Variants in ARFRP1 observed in about 807,000 individuals in gnomAD.
The protein encoded by ARFRP1 is ADP-ribosylation factor-related protein 1.
A neutral mutation model predicts 30.3 loss-of-function variants in ARFRP1; 19 were observed. The observed-to-expected ratio is 0.63, with a 90% CI of 0.44 to 0.92. ARFRP1 has a LOEUF of 0.92. Ranked by LOEUF, ARFRP1 falls within the 40% of genes least tolerant of loss-of-function variation. The pLI is 0.00. For missense variants in ARFRP1, 245 were observed against 267.5 expected (o/e 0.92, Z 0.59); for synonymous variants, 133 against 114.2 (o/e 1.16, Z -1.05).
At position 63,698,827 on chromosome 20, in the gene ARFRP1, G is replaced by C; in HGVS notation, c.*1616C>G. 1 of 355,026 alleles carries C rather than the reference G, an allele frequency of 2.8e-6. No individual in the cohort carries two copies. Among genetic ancestry groups the C allele is most frequent in the Non-Finnish European group, 5.0e-6 (1 of 200,562 alleles). The allele number at this position is 355,026 out of a possible 1,614,324, so 22.0% of individuals were successfully genotyped here. A position where few individuals can be genotyped will look rare whatever the true frequency, so the allele number is the denominator to read the frequency against. ...AGACAGACCCTCCCTGGGAGGATCA[G>C]TGGGGAGTGCCACCTCTGCCCCCAG... On this transcript the variant is annotated 3_prime_UTR_variant, in exon 8 of 8. Transcript: ENST00000622789.
At chr20:63,706,123 C>T (rs2091450188) in intron 4 of ARFRP1, 3 of 489,728 alleles carry the variant, frequency 6.1e-6, no homozygotes, top group South Asian at 4.1e-5. Context: ...CTGGCCCCAT[C>T]GCAGGGAACT....
rs1308401908 is a variant in ARFRP1, at chr20:63,700,470, C to T, written c.579G>A (p.Arg193=). 2 of 1,609,736 alleles carry T rather than the reference C, an allele frequency of 1.2e-6. No individual in the cohort carries two copies. Among genetic ancestry groups the T allele is most frequent in the Non-Finnish European group, 1.7e-6 (2 of 1,179,858 alleles). ...MVKCVVRNVH[R]PPRQRDIT ...ACGTGATGTCCCTCTGCCGCGGCGG[C>T]CGGTGCACATTCCGCACGACACACT... Residue 193 remains arginine, a synonymous_variant, in exon 8 of 8, where the codon CGG becomes CGA. Coordinates refer to ENST00000622789, the MANE Select transcript of ARFRP1 (RefSeq NM_001267547.3).
intron 4 of ARFRP1, chr20:63,705,873 A>AGCCCTT: frequency 2.3e-6 from 1 of 440,384 alleles, no homozygotes; most frequent in East Asian, 5.8e-5. Flanking sequence ...CCAGGGTTTG[A>AGCCCTT]ACATTCCCAG....
chr20:63,700,207 G>T lies in ARFRP1; in HGVS notation c.*236C>A. On this transcript the variant is annotated 3_prime_UTR_variant, in exon 8 of 8. Coordinates refer to ENST00000622789, the MANE Select transcript of ARFRP1 (RefSeq NM_001267547.3). The stretch of plus-strand genomic sequence containing the variant: ...TCGAAAGGCCGCCGCTGCGCCCTGT[G>T]GAAAGGCTGCCGCTGCAGGGCCTGG... 1.7e-6 allele frequency: 1 copy of T among 588,214 alleles called. No homozygotes were observed. The highest frequency in any genetic ancestry group is 2.9e-6 in the Non-Finnish European group (1 of 339,188). 36.4% of individuals were successfully genotyped at this position (588,214 alleles called of 1,614,324 possible).
At chr20:63,706,898 T>C in intron 2 of ARFRP1, 101 bp downstream of exon 2, 4 of 1,409,202 alleles carry the variant, frequency 2.8e-6, no homozygotes, top group East Asian at 2.3e-5. Context: ...CAGGTGAAAT[T>C]TGGCTTCCGT....
chr20:63,705,557 G>A (rs1434325845), intron 4 of ARFRP1: 1 of 468,984 alleles, frequency 2.1e-6, no homozygotes, highest in Non-Finnish European at 4.4e-6. Context: ...GTCAAAATAG[G>A]AGACTGCCGC....
intron 6 of ARFRP1, 111 bp downstream of exon 6, chr20:63,701,719 C>A (rs1048156650): frequency 4.8e-5 from 48 of 998,844 alleles, no homozygotes; most frequent in Non-Finnish European, 6.6e-5. Context: ...TGGCTCTGTA[C>A]CCCCTGGGCA....
Position 63,707,916 on chromosome 20 carries a change from C to CCGCTGACCCCG in ARFRP1, c.-67_-57dup, listed in dbSNP as rs1173912669. The CCGCTGACCCCG allele has an allele frequency of 2.0e-5, 3 of 152,580 alleles. No homozygotes were observed. The highest frequency in any genetic ancestry group is 4.8e-5 in the African/African-American group (2 of 41,462). 9.5% of individuals were successfully genotyped at this position (152,580 alleles called of 1,614,324 possible). On this transcript the variant is annotated 5_prime_UTR_variant, in exon 1 of 8. Coordinates refer to ENST00000622789, the MANE Select transcript of ARFRP1 (RefSeq NM_001267547.3). Reference sequence around the variant, plus strand: ...CGCTGCTGCTGACCCCCGCTGACCTCCGCTGACCCCGCGCTAACCCCGCGC... The same window carrying CCGCTGACCCCG: ...CGCTGCTGCTGACCCCCGCTGACCTCCGCTGACCCCGCGCTGACCCCGCGCTAACCCCGCGC...
intron 4 of ARFRP1, 97 bp from the exon 5 acceptor site, chr20:63,702,314 A>G: frequency 8.2e-7 from 1 of 1,212,416 alleles, no homozygotes. Context: ...GGCTCACATG[A>G]GGAAGGGGCA....
rs550776295 is a variant in ARFRP1 at position 63,706,821 on chromosome 20, AAGACAG to A, written c.94-89_94-84del. ...ATCCTTACTCAGGTCTGTTCTTTAA[AAGACAG>A]AAACAGAAACAGAGCAACACTCTGC... is the stretch of plus-strand genomic sequence containing the variant. On this transcript the variant is annotated intron_variant, in intron 2 of 7. Coordinates refer to ENST00000622789, the MANE Select transcript of ARFRP1 (RefSeq NM_001267547.3). The A allele has an allele frequency of 5.3e-4, 720 of 1,351,334 alleles. 4 individuals carry two copies. The African/African-American group carries it at 9.7e-3, about 18-fold the overall frequency. 83.7% of individuals were successfully genotyped at this position (1,351,334 alleles called of 1,614,324 possible).
rs953852819 is a variant in ARFRP1, at chr20:63,700,619, G to C, written c.501C>G (p.Ala167=). 11 of 1,610,670 alleles carry C rather than the reference G, an allele frequency of 6.8e-6. No individual in the cohort carries two copies. Among genetic ancestry groups the C allele is most frequent in the Non-Finnish European group, 9.3e-6 (11 of 1,179,848 alleles). The change falls in exon 7 of 8, where the codon GCC becomes GCG. Residue 167 remains alanine (A), a synonymous_variant. Transcript: ENST00000622789. ...CCACTCACCCTGTGAGGGCCGAGCA[G>C]GCCTGGGTCAGGCAATCTCGCCTGC... ...KIGRRDCLTQ[A]CSALTGKGVR... is the part of the protein sequence containing the mutation.
intron 4 of ARFRP1, chr20:63,706,069 C>G (rs563477939): frequency 2.5e-6 from 1 of 403,482 alleles, no homozygotes; most frequent in Non-Finnish European, 4.7e-6. Context: ...ATGCTCTGAT[C>G]TGATCGCCTT....
rs971145279 is a variant in ARFRP1 at position 63,699,712 on chromosome 20, G to C, written c.*731C>G. On this transcript the variant is annotated 3_prime_UTR_variant, in exon 8 of 8. Coordinates refer to ENST00000622789, the MANE Select transcript of ARFRP1 (RefSeq NM_001267547.3). The stretch of plus-strand genomic sequence containing the variant: ...CTCCGGGAGGTTCTCTCCTGGCTGG[G>C]GGAGGGCTCTGGACCCCCACAAACA... The C allele has an allele frequency of 6.5e-6, 1 of 153,050 alleles. No homozygotes were observed. The highest frequency in any genetic ancestry group is 2.4e-5 in the African/African-American group (1 of 41,420). The allele number at this position is 153,050 out of a possible 1,614,324, so 9.5% of individuals were successfully genotyped here. A position where few individuals can be genotyped will look rare whatever the true frequency, so the allele number is the denominator to read the frequency against.
intron 4 of ARFRP1, 165 bp downstream of exon 4, chr20:63,706,192 T>G: frequency 1.5e-6 from 1 of 674,964 alleles, no homozygotes; most frequent in Non-Finnish European, 2.6e-6. Flanking sequence ...AGGGTTCAGC[T>G]GGGACAAAAC....
chr20:63,707,029 C>T lies in ARFRP1; in HGVS notation c.63G>A (p.Leu21=), dbSNP rs143388894. Residue 21 remains leucine (L), a synonymous_variant, in exon 2 of 8, where the codon CTG becomes CTA. Transcript: ENST00000622789. ...TCCCAGCATTGTCCAGGCCCAGGAT[C>T]AGGATGCAGTACTCGTCCTTCTGAA... ...YMFQKDEYCI[L]ILGLDNAGKT... 1.9e-6 allele frequency: 3 copies of T among 1,613,792 alleles called. No homozygotes were observed. In the African/African-American group the frequency reaches 4.0e-5, roughly 22 times the overall value.
intron 6 of ARFRP1, chr20:63,701,522 G>T (rs1404631888): frequency 3.6e-6 from 2 of 552,142 alleles, no homozygotes; most frequent in African/African-American, 3.8e-5. Flanking sequence ...GTTTCACCTG[G>T]GTGTCCCCAC....
At position 63,699,307 on chromosome 20, in the gene ARFRP1, C is replaced by T. The variant is rs1007002226; in HGVS notation, c.*1136G>A. The stretch of plus-strand genomic sequence containing the variant: ...AGCCCCGCAGCTGCTGCGCCACCCC[C>T]ACCCTGACTCATGCCCCTTCCCAGC... On this transcript the variant is annotated 3_prime_UTR_variant, in exon 8 of 8. Transcript: ENST00000622789. The T allele has an allele frequency of 2.0e-5, 3 of 152,362 alleles. No homozygotes were observed. Among genetic ancestry groups the T allele is most frequent in the East Asian group, 1.9e-4 (1 of 5,174 alleles). The allele number at this position is 152,362 out of a possible 1,614,324, so 9.4% of individuals were successfully genotyped here. A position where few individuals can be genotyped will look rare whatever the true frequency, so the allele number is the denominator to read the frequency against.
intron 6 of ARFRP1, among the ~76,000 whole-genome samples, chr20:63,700,935 G>T (rs1345232349): frequency 1.3e-5 from 2 of 152,130 alleles, no homozygotes; most frequent in African/African-American, 4.8e-5. Context: ...GCTCCAAGGA[G>T]TCCACCCCCC....
chr20:63,700,237 G>A lies in ARFRP1; in HGVS notation c.*206C>T, dbSNP rs185691708. Reference sequence around the variant, plus strand: ...GGCTGCCGCTGCAGGGCCTGGGCCAGCCGGGCTGCCAGACTCCCCTCCAAA... The same window carrying A: ...GGCTGCCGCTGCAGGGCCTGGGCCAACCGGGCTGCCAGACTCCCCTCCAAA... On this transcript the variant is annotated 3_prime_UTR_variant, in exon 8 of 8. Coordinates refer to ENST00000622789, the MANE Select transcript of ARFRP1 (RefSeq NM_001267547.3). 18 of 722,710 alleles carry A rather than the reference G, an allele frequency of 2.5e-5. No homozygotes were observed. Among genetic ancestry groups the A allele is most frequent in the Non-Finnish European group, 3.8e-5 (17 of 453,032 alleles). 44.8% of individuals were successfully genotyped at this position (722,710 alleles called of 1,614,324 possible). A position where few individuals can be genotyped will look rare whatever the true frequency, so the allele number is the denominator to read the frequency against.
Sources: gnomAD v4.1 joint callset for allele counts (sites outside exome capture counted in the v4.1 genomes callset) on GRCh38, gnomAD v4.1.1 for gene constraint, MANE v1.5 for transcripts, NCBI Gene and HGNC (gene_info 2026-07-23, HGNC 2026-07-21) for gene names.